PLCH1: variants seen among roughly 807,000 people sequenced by gnomAD.
PLCH1 encodes the protein 1-phosphatidylinositol 4,5-bisphosphate phosphodiesterase eta-1.
A neutral mutation model predicts 126.7 loss-of-function variants in PLCH1; 60 were observed. The ratio of observed to expected loss-of-function variants is 0.47; its 90% CI spans 0.38 to 0.59. The LOEUF is 0.59. PLCH1 is among the 20% of genes least tolerant of loss of function. The probability of loss-of-function intolerance (pLI) is 0.00; values close to 1 mark genes in which losing one functional copy is unlikely to be tolerated. For missense variants in PLCH1, 1,723 were observed against 2,040.0 expected (o/e 0.84, Z 2.99); for synonymous variants, 719 against 734.9 (o/e 0.98, Z 0.35).
intron 6 of PLCH1, among the ~76,000 whole-genome samples, chr3:155,569,820 A>G (rs1371972749): frequency 2.0e-5 from 3 of 152,226 alleles, no homozygotes; most frequent in South Asian, 2.1e-4. Context: ...CAGGTAGACT[A>G]CCAGAAGCCC....
intron 1 of PLCH1, among the ~76,000 whole-genome samples, chr3:155,731,986 C>CAA (rs11449385): frequency 0.028 from 1,921 of 68,068 alleles, 107 homozygotes; most frequent in African/African-American, 0.087. Flanking sequence ...GACCCTGTCT[C>CAA]AAAAAAAAAA....
At position 155,479,934 on chromosome 3, in the gene PLCH1, T is replaced by C. The variant is rs567838199; in HGVS notation, c.*1034A>G. The C allele has an allele frequency of 6.6e-6, 1 of 151,102 alleles. No homozygotes were observed. The highest frequency in any genetic ancestry group is 2.1e-4 in the South Asian group (1 of 4,726). The allele number at this position is 151,102 out of a possible 1,614,324, so 9.4% of individuals were successfully genotyped here. On this transcript the variant is annotated 3_prime_UTR_variant, in exon 23 of 23. Coordinates refer to ENST00000460012, the MANE Select transcript of PLCH1 (RefSeq NM_014996.4). Reference sequence around the variant, plus strand: ...TCATGAATTCCAGGAAGAACATCATTGCAGTTAATGTTACAAAAAAAAAAA... The same window carrying C: ...TCATGAATTCCAGGAAGAACATCATCGCAGTTAATGTTACAAAAAAAAAAA...
At chr3:155,506,144 A>C (rs1405743210) in intron 12 of PLCH1, among the ~76,000 whole-genome samples, 6 of 152,084 alleles carry the variant, frequency 3.9e-5, no homozygotes, top group African/African-American at 1.4e-4. Flanking sequence ...ATATATTCTC[A>C]TTTACTATGC....
intron 1 of PLCH1, among the ~76,000 whole-genome samples, chr3:155,741,505 T>A (rs1749617078): frequency 1.3e-5 from 2 of 152,162 alleles, no homozygotes; most frequent in South Asian, 4.1e-4. Flanking sequence ...GTCCTAGGAA[T>A]GACAAGAGGA....
chr3:155,539,322 G>T (rs1377285512), intron 10 of PLCH1, among the ~76,000 whole-genome samples: 1 of 152,118 alleles, frequency 6.6e-6, no homozygotes, highest in African/African-American at 2.4e-5. Context: ...AAAGCTGAAA[G>T]CATTCCCCCT....
intron 2 of PLCH1, among the ~76,000 whole-genome samples, chr3:155,644,403 G>A (rs935065327): frequency 6.6e-6 from 1 of 152,250 alleles, no homozygotes; most frequent in East Asian, 1.9e-4. Context: ...AGGAGTTCAA[G>A]ACCAGCCTGG....
chr3:155,625,927 T>C (rs190244988), intron 2 of PLCH1, among the ~76,000 whole-genome samples: 32 of 152,284 alleles, frequency 2.1e-4, no homozygotes, highest in Admixed American at 1.9e-3. Flanking sequence ...TACATGAACA[T>C]GTATGCTTAC....
chr3:155,743,171 A>G (rs2109224667), intron 1 of PLCH1: 2 of 424,722 alleles, frequency 4.7e-6, no homozygotes, highest in East Asian at 7.3e-5. Context: ...GCTAGGCTGT[A>G]TGTAAACAAA....
chr3:155,510,798 T>C (rs1372233995), intron 12 of PLCH1, among the ~76,000 whole-genome samples: 5 of 105,974 alleles, frequency 4.7e-5, no homozygotes, highest in Non-Finnish European at 7.1e-5. Context: ...ATTTTTTCCT[T>C]CATTTCAACT....
chr3:155,673,547 A>G (rs926436582), intron 2 of PLCH1, among the ~76,000 whole-genome samples: 72 of 152,176 alleles, frequency 4.7e-4, no homozygotes, highest in African/African-American at 1.5e-3. Flanking sequence ...TAAATGTAGC[A>G]ACTTCTAAAA....
intron 2 of PLCH1, among the ~76,000 whole-genome samples, chr3:155,610,390 C>CA (rs1491267517): frequency 7.3e-5 from 6 of 81,720 alleles, no homozygotes; most frequent in African/African-American, 3.2e-4. Flanking sequence ...AAAAAAAAAA[C>CA]CATCACCTAG....
chr3:155,542,034 C>G (rs7636215), intron 10 of PLCH1, among the ~76,000 whole-genome samples: 28,407 of 152,098 alleles, frequency 0.19, 3,266 homozygotes, highest in African/African-American at 0.32. Context: ...ACAGTGGGCG[C>G]AGGACAGTGG....
chr3:155,703,071 TTC>T (rs1478259282), intron 2 of PLCH1, among the ~76,000 whole-genome samples: 2 of 152,242 alleles, frequency 1.3e-5, no homozygotes, highest in East Asian at 1.9e-4. Flanking sequence ...TCATCTCTGT[TTC>T]TCTTTCTTCA....
chr3:155,474,185 A>G (rs1713413488), intron 21 of PLCH1, among the ~76,000 whole-genome samples: 1 of 151,646 alleles, frequency 6.6e-6, no homozygotes, highest in African/African-American at 2.4e-5. Flanking sequence ...CATCTGACAA[A>G]GGGCTAATAT....
chr3:155,497,539 A>C (rs1357506389), intron 14 of PLCH1, 122 bp from the exon 15 acceptor site: 1 of 693,910 alleles, frequency 1.4e-6, no homozygotes, highest in Non-Finnish European at 2.5e-6. Flanking sequence ...CCAGGTCCTA[A>C]GGGAGCCAGG....
Position 155,597,321 on chromosome 3 carries a change from A to T in PLCH1, c.80-943T>A, listed in dbSNP as rs571387441. Among the ~76,000 whole-genome samples, 8 of 152,360 alleles carry T rather than the reference A, an allele frequency of 5.3e-5. No homozygotes were observed. The South Asian group carries it at 1.7e-3, about 32-fold the overall frequency. ...ACCATTCAACAACTGAGATACTCCTAGTTGGCTACTCTAAGATGTGACAGT... is the reference window on the plus strand; with the variant it reads ...ACCATTCAACAACTGAGATACTCCTTGTTGGCTACTCTAAGATGTGACAGT... On this transcript the variant is annotated intron_variant, in intron 2 of 22. Coordinates refer to ENST00000460012, the MANE Select transcript of PLCH1 (RefSeq NM_014996.4).
chr3:155,740,323 A>G (rs933386355), intron 1 of PLCH1, among the ~76,000 whole-genome samples: 3 of 151,852 alleles, frequency 2.0e-5, no homozygotes, highest in African/African-American at 7.3e-5. Context: ...AGGCAGGAGA[A>G]TCACTTGAAC....
intron 2 of PLCH1, among the ~76,000 whole-genome samples, chr3:155,640,567 A>G (rs564204513): frequency 4.6e-5 from 7 of 152,228 alleles, no homozygotes; most frequent in Admixed American, 1.3e-4. Context: ...TTAACAGCCT[A>G]TTGTCCCAGG....
At chr3:155,478,661 G>A (rs1427408664), downstream of PLCH1, among the ~76,000 whole-genome samples, 1 of 152,022 alleles carries the variant, frequency 6.6e-6, no homozygotes, top group Non-Finnish European at 1.5e-5. Flanking sequence ...CTAAATGAAT[G>A]TGCTAATGGA....
Sources: allele counts gnomAD v4.1 joint callset (sites outside exome capture counted in the v4.1 genomes callset), GRCh38; gene constraint gnomAD v4.1.1; transcripts MANE v1.5; gene names NCBI Gene and HGNC (gene_info 2026-07-23, HGNC 2026-07-21).